DDHD2: variants seen among roughly 807,000 people sequenced by gnomAD.
The protein encoded by DDHD2 is triacylglycerol hydrolase DDHD2.
A neutral mutation model predicts 91.2 loss-of-function variants in DDHD2; 62 were observed. That is an observed-to-expected ratio of 0.68 (90% confidence interval 0.55 to 0.84). DDHD2 has a LOEUF of 0.84. Ranked by LOEUF, DDHD2 falls within the 40% of genes least tolerant of loss-of-function variation. The probability of loss-of-function intolerance (pLI) is 0.00; values close to 1 mark genes in which losing one functional copy is unlikely to be tolerated. For synonymous variants in DDHD2, 271 were observed against 293.9 expected (o/e 0.92, Z 0.80); for missense variants, 740 against 846.9 (o/e 0.87, Z 1.57).
chr8:38,262,407 C>G lies in DDHD2; in HGVS notation c.*1834C>G, dbSNP rs1693086893. The G allele has an allele frequency of 6.6e-6, 1 of 152,086 alleles. No individual in the cohort carries two copies. Among genetic ancestry groups the G allele is most frequent in the Admixed American group, 6.5e-5 (1 of 15,268 alleles). 9.4% of individuals were successfully genotyped at this position (152,086 alleles called of 1,614,324 possible). On this transcript the variant is annotated 3_prime_UTR_variant, in exon 18 of 18. Coordinates refer to ENST00000397166, the MANE Select transcript of DDHD2 (RefSeq NM_015214.3). ...TCTTTGTATTAAGAAATGTTTCTTT[C>G]CTAGTGGTGAGGGGTGGGTAACTGT...
chr8:38,264,428 C>T (rs374771606), downstream of DDHD2: 29 of 1,534,366 alleles, frequency 1.9e-5, no homozygotes, highest in East Asian at 7.4e-5. Context: ...CCACCACGCC[C>T]GGCCAGATTC....
At chr8:38,234,137 G>A (rs1200756605) in intron 2 of DDHD2, among the ~76,000 whole-genome samples, 2 of 151,922 alleles carry the variant, frequency 1.3e-5, no homozygotes, top group East Asian at 3.9e-4. Flanking sequence ...AAGGGGCACT[G>A]CTATCTTTCC....
At chr8:38,257,089 G>A (rs764188099) in intron 16 of DDHD2, among the ~76,000 whole-genome samples, 1 of 151,776 alleles carries the variant, frequency 6.6e-6, no homozygotes, top group Non-Finnish European at 1.5e-5. Flanking sequence ...GTAACACTAT[G>A]CCCAGCTAAT....
At chr8:38,241,014 T>G (rs1805212697) in intron 6 of DDHD2, among the ~76,000 whole-genome samples, 1 of 142,732 alleles carries the variant, frequency 7.0e-6, no homozygotes, top group Non-Finnish European at 1.5e-5. Context: ...GAGGTTGCAG[T>G]GAGCCGAGAT....
chr8:38,251,785 G>A (rs574969389), intron 11 of DDHD2, 127 bp from the exon 12 acceptor site: 5 of 628,900 alleles, frequency 8.0e-6, no homozygotes, highest in African/African-American at 3.7e-5. Context: ...TGTTGCCCAC[G>A]TTGGACTTGA....
Position 38,269,570 on chromosome 8 carries a change from A to G in DDHD2, n.88-1552A>G, listed in dbSNP as rs892513317. 4 of 267,962 alleles carry G rather than the reference A, an allele frequency of 1.5e-5. No homozygotes were observed. In the Admixed American group the frequency reaches 1.7e-4, roughly 11 times the overall value. 16.6% of individuals were successfully genotyped at this position (267,962 alleles called of 1,614,324 possible). On this transcript the variant is annotated intron_variant and non_coding_transcript_variant, in intron 1 of 1. Transcript: ENST00000526071. The stretch of plus-strand genomic sequence containing the variant: ...TCAGATCCTCGTTCCTTAGCAACAC[A>G]GCCGCATTCTGCAGGAAGCTACACT...
chr8:38,238,521 C>T, intron 5 of DDHD2: 1 of 1,093,640 alleles, frequency 9.1e-7, no homozygotes, highest in East Asian at 8.5e-5. Flanking sequence ...AAATTTATAC[C>T]TGGTAATAAC....
chr8:38,267,619 C>A (rs1416915187), downstream of DDHD2: 7 of 623,840 alleles, frequency 1.1e-5, no homozygotes, highest in African/African-American at 7.4e-5. Context: ...TTAGGGCAAA[C>A]AGCAAATGAC....
chr8:38,232,836 A>G (rs1804391432), intron 1 of DDHD2, among the ~76,000 whole-genome samples, 151 bp from the exon 2 acceptor site: 1 of 152,178 alleles, frequency 6.6e-6, no homozygotes, highest in East Asian at 1.9e-4. Flanking sequence ...TCCAGTTGCT[A>G]ATTTATGTTA....
In DDHD2 at chr8:38,240,285, A is replaced by T; in HGVS notation, c.633A>T (p.Leu211Phe). Residue 211 changes from leucine to phenylalanine, a missense_variant, in exon 6 of 18, where the codon TTA (leucine) becomes TTT (phenylalanine). By Grantham distance (22) the Leu-to-Phe change is conservative. Coordinates refer to ENST00000397166, the MANE Select transcript of DDHD2 (RefSeq NM_015214.3). ...ISVDIHCGEPLQIDHLVFVVH... is the reference protein window; with the variant it reads ...ISVDIHCGEPFQIDHLVFVVH... ...TAATTTCATTTATAGGAGAACCTTTACAAATAGATCACTTGGTTTTTGTAG... is the reference window on the plus strand; with the variant it reads ...TAATTTCATTTATAGGAGAACCTTTTCAAATAGATCACTTGGTTTTTGTAG... 1 of 1,605,036 alleles carries T rather than the reference A, an allele frequency of 6.2e-7. No homozygotes were observed. The highest frequency in any genetic ancestry group is 8.5e-7 in the Non-Finnish European group (1 of 1,172,802).
At chr8:38,251,802 G>T in intron 11 of DDHD2, 110 bp from the exon 12 acceptor site, 2 of 693,978 alleles carry the variant, frequency 2.9e-6, no homozygotes, top group Non-Finnish European at 5.0e-6. Flanking sequence ...TTGAACTCTT[G>T]GGCTTAAACA....
At chr8:38,267,495 C>T (rs1563328294), downstream of DDHD2, 1 of 1,357,122 alleles carries the variant, frequency 7.4e-7, no homozygotes, top group African/African-American at 1.5e-5. Flanking sequence ...TCAAATAGTG[C>T]CCCAGGCAAA....
intron 1 of DDHD2, chr8:38,270,209 G>A (rs1254584873): frequency 6.6e-6 from 1 of 152,212 alleles, no homozygotes. Flanking sequence ...TTGATGCTTT[G>A]TTATTAAAGA....
At chr8:38,268,966 G>C (rs1182320337) in intron 1 of DDHD2, 2 of 1,568,662 alleles carry the variant, frequency 1.3e-6, no homozygotes, top group African/African-American at 2.8e-5. Flanking sequence ...TGAGTCTCTG[G>C]AACGGGGGGA....
At chr8:38,234,003 ACTTGT>A (rs1804500904) in intron 2 of DDHD2, among the ~76,000 whole-genome samples, 1 of 152,024 alleles carries the variant, frequency 6.6e-6, no homozygotes, top group African/African-American at 2.4e-5. Flanking sequence ...CTAACTTGTC[ACTTGT>A]CTTTTCTTCT....
chr8:38,263,817 T>C (rs968018415), downstream of DDHD2: 1 of 984,956 alleles, frequency 1.0e-6, no homozygotes, highest in African/African-American at 1.7e-5. Context: ...AAAGGCTTCT[T>C]TGTGACAAGA....
chr8:38,233,273 T>C (rs1804437973), intron 2 of DDHD2, 59 bp downstream of exon 2: 1 of 1,376,090 alleles, frequency 7.3e-7, no homozygotes, highest in Non-Finnish European at 1.0e-6. Context: ...AACTATAATA[T>C]AATGGTCCTT....
chr8:38,266,937 G>T, downstream of DDHD2: 1 of 720,842 alleles, frequency 1.4e-6, no homozygotes, highest in Non-Finnish European at 1.9e-6. Context: ...GCTATAATTA[G>T]GTAAGAAATG....
intron 11 of DDHD2, 128 bp from the exon 12 acceptor site, chr8:38,251,784 C>T (rs184557956): frequency 1.9e-5 from 12 of 627,322 alleles, no homozygotes; most frequent in Middle Eastern, 3.6e-4. Context: ...ATGTTGCCCA[C>T]GTTGGACTTG....
Sources: allele counts gnomAD v4.1 joint callset (sites outside exome capture counted in the v4.1 genomes callset), GRCh38; gene constraint gnomAD v4.1.1; transcripts MANE v1.5; gene names NCBI Gene and HGNC (gene_info 2026-07-23, HGNC 2026-07-21).